Variants in SLC38A2 observed in about 807,000 individuals in gnomAD.
SLC38A2 encodes sodium-coupled neutral amino acid symporter 2.
In SLC38A2, 11 loss-of-function variants were observed where a neutral mutation model predicts 61.5. That is an observed-to-expected ratio of 0.18 (90% CI 0.11 to 0.30). The LOEUF (loss-of-function observed/expected upper bound fraction) is 0.30. Among genes scored for constraint, SLC38A2 ranks in the 10% least tolerant of loss-of-function variants. SLC38A2 has a pLI of 1.00. For missense variants in SLC38A2, 522 were observed against 600.4 expected, an observed-to-expected ratio of 0.87 and a Z score of 1.36; for synonymous variants, 217 against 212.5, an observed-to-expected ratio of 1.02 and a Z score of -0.18.
chr12:46,364,593 G>A lies in SLC38A2; in HGVS notation c.706-37C>T, dbSNP rs55698768. 1,575 of 1,596,850 alleles carry A rather than the reference G, an allele frequency of 9.9e-4. 15 individuals carry two copies. The African/African-American group carries it at 0.019, about 19-fold the overall frequency. Reference sequence around the variant, plus strand: ...TTATTTTGCATGTGTTAAACTAAGTGACATGGCAGGGCTTATAAAAAATTT... The same window carrying A: ...TTATTTTGCATGTGTTAAACTAAGTAACATGGCAGGGCTTATAAAAAATTT... On this transcript the variant is annotated intron_variant, in intron 9 of 15. Transcript: ENST00000256689.
At position 46,371,326 on chromosome 12, in the gene SLC38A2, T is replaced by G. The variant is rs775928648; in HGVS notation, c.-33A>C. 3.8e-6 allele frequency: 6 copies of G among 1,563,656 alleles called. No homozygotes were observed. Among genetic ancestry groups the G allele is most frequent in the Non-Finnish European group, 5.3e-6 (6 of 1,134,676 alleles). ...ACTGGGAGGAATCGGGTGCAGCTAG[T>G]AGCGCTGGGCTCCTTTTGTCCTTGG... On this transcript the variant is annotated 5_prime_UTR_variant, in exon 2 of 16. Transcript: ENST00000256689.
Position 46,364,451 on chromosome 12 carries a change from A to G in SLC38A2, c.811T>C (p.Leu271=), listed in dbSNP as rs1943117180. 6.2e-7 allele frequency: 1 copy of G among 1,610,552 alleles called. No homozygotes were observed. The stretch of plus-strand genomic sequence containing the variant: ...TCATTTTCAGTCACGTTATGTGACA[A>G]AGCAGGTACAAGAGCTGTTGGCTGT... ...LTQPTALVPA[L]SHNVTENDSC... The change falls in exon 10 of 16, where the codon TTG becomes CTG. Residue 271 remains leucine, a synonymous_variant. Coordinates refer to ENST00000256689, the MANE Select transcript of SLC38A2 (RefSeq NM_018976.5).
rs901758266 is a variant in SLC38A2 at position 46,360,122 on chromosome 12, T to C, written c.*989A>G. The C allele has an allele frequency of 1.3e-5, 2 of 152,556 alleles. No individual in the cohort carries two copies. The highest frequency in any genetic ancestry group is 4.8e-5 in the African/African-American group (2 of 41,428). 9.5% of individuals were successfully genotyped at this position (152,556 alleles called of 1,614,324 possible). On this transcript the variant is annotated 3_prime_UTR_variant, in exon 16 of 16. Transcript: ENST00000256689. ...CCATTTTCCACTGCTGGAAGCAATG[T>C]CAAAAAAGGGCTGGCCCAAAAAAAG...
rs746674426 is a variant in SLC38A2, at chr12:46,371,287, T to C, written c.7A>G (p.Lys3Glu). The stretch of plus-strand genomic sequence containing the variant: ...ATACTGAATCGTCCCATTTCGGCCT[T>C]CTTCATGCTAAGCACTGGGAGGAAT... The part of the protein sequence containing the change: MK[K>E]AEMGRFSISP... Residue 3 changes from lysine to glutamate, a missense_variant, in exon 2 of 16, where the codon AAG becomes GAG. This residue lies in a region of SLC38A2 where 102 missense variants were observed against 83.1 expected (regional missense o/e 1.23). Transcript: ENST00000256689. The C allele has an allele frequency of 8.9e-5, 143 of 1,613,974 alleles. No individual in the cohort carries two copies. Among genetic ancestry groups the C allele is most frequent in the Non-Finnish European group, 1.2e-4 (137 of 1,179,930 alleles).
In SLC38A2 at chr12:46,361,086, T is replaced by G. The variant is rs1321019901; in HGVS notation, c.*25A>C. On this transcript the variant is annotated 3_prime_UTR_variant, in exon 16 of 16. Coordinates refer to ENST00000256689, the MANE Select transcript of SLC38A2 (RefSeq NM_018976.5). ...TACTCAACACTGGCATCAGATGGAC[T>G]GAGTTTGAGTTTGAGTGGTGCCAAT... 1 of 1,576,422 alleles carries G rather than the reference T, an allele frequency of 6.3e-7. No homozygotes were observed. Among genetic ancestry groups the G allele is most frequent in the Admixed American group, 1.7e-5 (1 of 58,470 alleles).
At position 46,362,326 on chromosome 12, in the gene SLC38A2, C is replaced by G; in HGVS notation, c.1380G>C (p.Lys460Asn). ...ATTTCATAGGTTCTTTCTTCACCAA[C>G]TTGATATAGAAGGCAGAAGGAAGAA... The part of the protein sequence containing the change: ...IFILPSAFYI[K>N]LVKKEPMKSV... Residue 460 changes from lysine to asparagine, a missense_variant, in exon 15 of 16, where the codon AAG becomes AAC. Coordinates refer to ENST00000256689, the MANE Select transcript of SLC38A2 (RefSeq NM_018976.5). 2 of 1,612,270 alleles carry G rather than the reference C, an allele frequency of 1.2e-6. No homozygotes were observed. The highest frequency in any genetic ancestry group is 1.7e-6 in the Non-Finnish European group (2 of 1,179,110).
Position 46,367,080 on chromosome 12 carries a change from A to G in SLC38A2, c.477T>C (p.Ile159=). The G allele has an allele frequency of 6.2e-7, 1 of 1,613,890 alleles. No individual in the cohort carries two copies. The highest frequency in any genetic ancestry group is 8.5e-7 in the Non-Finnish European group (1 of 1,179,822). ...AASGSITMQN[I]GAMSSYLFIV... is the part of the protein sequence containing the mutation. ...AATCTTTTGAAAAATTCTTACCTCC[A>G]ATGTTCTGCATTGTAATTGATCCAG... is the stretch of plus-strand genomic sequence containing the variant. Residue 159 remains isoleucine (I), a synonymous_variant, in exon 6 of 16, where the codon ATT becomes ATC. Transcript: ENST00000256689.
Position 46,365,146 on chromosome 12 carries a change from A to G in SLC38A2, c.607T>C (p.Leu203=). ...NGNYLVLLVS[L]VVILPLSLFR... is the part of the protein sequence containing the mutation. ...AGCGACAAAGGAAGAATGACCACCA[A>G]TGACACCAACAGAACCAAATAGTTC... Residue 203 remains leucine (L), a synonymous_variant, in exon 8 of 16, where the codon TTG becomes CTG. Coordinates refer to ENST00000256689, the MANE Select transcript of SLC38A2 (RefSeq NM_018976.5). 5 of 1,613,618 alleles carry G rather than the reference A, an allele frequency of 3.1e-6. No homozygotes were observed. Among genetic ancestry groups the G allele is most frequent in the Non-Finnish European group, 4.2e-6 (5 of 1,179,678 alleles).
chr12:46,363,607 T>C, intron 12 of SLC38A2, 119 bp downstream of exon 12: 2 of 552,526 alleles, frequency 3.6e-6, no homozygotes, highest in Non-Finnish European at 3.1e-6. Flanking sequence ...AAATATGAAA[T>C]ATATTAAAAC....
At chr12:46,367,054 T>A (rs1411785265) in intron 6 of SLC38A2, 22 bp downstream of exon 6, 3 of 1,611,924 alleles carry the variant, frequency 1.9e-6, no homozygotes, top group East Asian at 2.2e-5. Context: ...TCTACCCAAA[T>A]AATCTTTTGA....
intron 3 of SLC38A2, 38 bp from the exon 4 acceptor site, chr12:46,370,665 T>C (rs1040925071): frequency 8.9e-6 from 14 of 1,569,360 alleles, no homozygotes; most frequent in Admixed American, 3.4e-5. Flanking sequence ...CATATAACAA[T>C]AATTAAATGG....
In SLC38A2 at chr12:46,370,848, T is replaced by C. The variant is rs1943187997; in HGVS notation, c.126A>G (p.Ala42=). The C allele has an allele frequency of 6.2e-7, 1 of 1,609,496 alleles. No individual in the cohort carries two copies. Among genetic ancestry groups the C allele is most frequent in the South Asian group, 1.1e-5 (1 of 89,816 alleles). The change falls in exon 3 of 16, where the codon GCA becomes GCG. Residue 42 remains alanine (A), a synonymous_variant. Coordinates refer to ENST00000256689, the MANE Select transcript of SLC38A2 (RefSeq NM_018976.5). ...TKQAALKSHY[A]DVDPENQNFL... is the part of the protein sequence containing the mutation. ...AGTTCTGGTTTTCAGGATCTACATC[T>C]GCATAATGGCTGCAAAAAATATAGA...
chr12:46,365,243 T>C (rs1335910474), intron 7 of SLC38A2, 54 bp from the exon 8 acceptor site: 22 of 1,338,456 alleles, frequency 1.6e-5, no homozygotes, highest in Admixed American at 3.4e-5. Context: ...CTGAAAAATA[T>C]ACACATCTTC....
chr12:46,362,332 A>G lies in SLC38A2; in HGVS notation c.1374T>C (p.Tyr458=), dbSNP rs775912231. Residue 458 remains tyrosine (Y), a synonymous_variant, in exon 15 of 16, where the codon TAT becomes TAC. Coordinates refer to ENST00000256689, the MANE Select transcript of SLC38A2 (RefSeq NM_018976.5). ...TAGGTTCTTTCTTCACCAACTTGATATAGAAGGCAGAAGGAAGAATAAAAA... is the reference window on the plus strand; with the variant it reads ...TAGGTTCTTTCTTCACCAACTTGATGTAGAAGGCAGAAGGAAGAATAAAAA... ...MLIFILPSAF[Y]IKLVKKEPMK... is the part of the protein sequence containing the mutation. 4 of 1,612,380 alleles carry G rather than the reference A, an allele frequency of 2.5e-6. No homozygotes were observed. In the South Asian group the frequency reaches 3.3e-5, roughly 13 times the overall value.
At chr12:46,362,897 A>G in intron 13 of SLC38A2, 124 bp downstream of exon 13, 1 of 1,295,940 alleles carries the variant, frequency 7.7e-7, no homozygotes. Context: ...AAGCCCCTTC[A>G]AAACCACCAC....
At chr12:46,368,695 C>A (rs1484334851) in intron 4 of SLC38A2, among the ~76,000 whole-genome samples, 1 of 152,184 alleles carries the variant, frequency 6.6e-6, no homozygotes, top group Non-Finnish European at 1.5e-5. Flanking sequence ...CTTTACACTA[C>A]CATTCTAAAT....
intron 4 of SLC38A2, among the ~76,000 whole-genome samples, chr12:46,369,720 G>C (rs932814639): frequency 4.6e-5 from 7 of 151,998 alleles, no homozygotes; most frequent in African/African-American, 1.7e-4. Context: ...CTGGAAATAA[G>C]ATCCACATTT....
Position 46,367,141 on chromosome 12 carries a change from T to C in SLC38A2, c.416A>G (p.Tyr139Cys). ...CTTTCCAACTAATCCAAATGCCTTA[T>C]ATCCCAATTGTTCATATAATAAAGA... is the stretch of plus-strand genomic sequence containing the variant. ...GGSLLYEQLG[Y>C]KAFGLVGKLA... The change falls in exon 6 of 16, where the codon TAT becomes TGT. Residue 139 changes from tyrosine to cysteine, a missense_variant. This residue lies in a region of SLC38A2 where 111 missense variants were observed against 173.4 expected (regional missense o/e 0.64). Transcript: ENST00000256689. The C allele has an allele frequency of 6.2e-7, 1 of 1,614,098 alleles. No individual in the cohort carries two copies. Among genetic ancestry groups the C allele is most frequent in the Non-Finnish European group, 8.5e-7 (1 of 1,179,924 alleles).
chr12:46,371,021 C>CT, intron 2 of SLC38A2, 157 bp downstream of exon 2: 4 of 830,378 alleles, frequency 4.8e-6, no homozygotes, highest in Non-Finnish European at 2.0e-6. Flanking sequence ...CACCAGCTAT[C>CT]TTGTCATTAC....
Sources: allele counts gnomAD v4.1 joint callset (sites outside exome capture counted in the v4.1 genomes callset), GRCh38; gene constraint gnomAD v4.1.1; regional missense constraint gnomAD v4.1.1; transcripts MANE v1.5; gene names NCBI Gene and HGNC (gene_info 2026-07-23, HGNC 2026-07-21).